NOCT: variants seen among roughly 807,000 people sequenced by gnomAD.
The protein encoded by NOCT is nocturnin.
Under a neutral mutation model 35.0 loss-of-function variants are expected in NOCT, and 18 were observed. That is an observed-to-expected ratio of 0.51 (90% CI 0.36 to 0.76). The LOEUF is 0.76. Among genes scored for constraint, NOCT ranks in the 30% least tolerant of loss-of-function variants. The pLI is 0.01. For missense variants in NOCT, 479 were observed against 541.0 expected (o/e 0.89, Z 1.14); for synonymous variants, 235 against 226.3 (o/e 1.04, Z -0.34).
chr4:139,016,226 C>T lies in NOCT; in HGVS notation c.190+55C>T, dbSNP rs1214369592. On this transcript the variant is annotated intron_variant, in intron 1 of 2. Coordinates refer to ENST00000280614, the MANE Select transcript of NOCT (RefSeq NM_012118.4). ...CGCCACGGCCGCCAACGCGCGGCCG[C>T]CACCTGGAGACCGCGCGGAATGAAT... 6.1e-6 allele frequency: 7 copies of T among 1,139,438 alleles called. No homozygotes were observed. In the African/African-American group the frequency reaches 1.1e-4, roughly 18 times the overall value. The allele number at this position is 1,139,438 out of a possible 1,614,324, so 70.6% of individuals were successfully genotyped here. A position where few individuals can be genotyped will look rare whatever the true frequency, so the allele number is the denominator to read the frequency against.
Position 139,043,063 on chromosome 4 carries a change from C to T in NOCT, c.191-11C>T, listed in dbSNP as rs1726865994. On this transcript the variant is annotated splice_polypyrimidine_tract_variant and intron_variant, in intron 1 of 2. Coordinates refer to ENST00000280614, the MANE Select transcript of NOCT (RefSeq NM_012118.4). The stretch of plus-strand genomic sequence containing the variant: ...GAGCTGAGTGTGTAACTGTGATTTC[C>T]TTTTCCGTAGTGTGTTCCATGGGAA... The T allele has an allele frequency of 6.3e-7, 1 of 1,580,346 alleles. No homozygotes were observed. The highest frequency in any genetic ancestry group is 1.3e-5 in the African/African-American group (1 of 74,080).
In NOCT at chr4:139,045,522, T is replaced by TTA; in HGVS notation, c.*49_*50insAT. 1.9e-6 allele frequency: 2 copies of TTA among 1,063,710 alleles called. No homozygotes were observed. The highest frequency in any genetic ancestry group is 5.1e-5 in the East Asian group (2 of 39,498). 65.9% of individuals were successfully genotyped at this position (1,063,710 alleles called of 1,614,324 possible). A position where few individuals can be genotyped will look rare whatever the true frequency, so the allele number is the denominator to read the frequency against. ...TCACAGGAGTCTATTTTTTTTTTTTTTTTTTTTTTTTTGAGACAGAGTCTC... is the reference window on the plus strand; with the variant it reads ...TCACAGGAGTCTATTTTTTTTTTTTTTATTTTTTTTTTTTGAGACAGAGTCTC... On this transcript the variant is annotated 3_prime_UTR_variant, in exon 3 of 3. Coordinates refer to ENST00000280614, the MANE Select transcript of NOCT (RefSeq NM_012118.4).
At chr4:139,034,999 T>C (rs951009699) in intron 1 of NOCT, among the ~76,000 whole-genome samples, 1 of 152,236 alleles carries the variant, frequency 6.6e-6, no homozygotes, top group Non-Finnish European at 1.5e-5. Flanking sequence ...TTGTTTCCAG[T>C]TTGTAACTCT....
chr4:139,016,525 A>G (rs1233383994), intron 1 of NOCT, among the ~76,000 whole-genome samples: 1 of 151,820 alleles, frequency 6.6e-6, no homozygotes, highest in Non-Finnish European at 1.5e-5. Context: ...ACTTAACGGA[A>G]ATTTTTATGG....
chr4:139,015,906 C>T lies in NOCT; in HGVS notation c.-76C>T. 1.7e-6 allele frequency: 2 copies of T among 1,168,046 alleles called. No individual in the cohort carries two copies. Among genetic ancestry groups the T allele is most frequent in the Non-Finnish European group, 2.2e-6 (2 of 917,802 alleles). The allele number at this position is 1,168,046 out of a possible 1,614,324, so 72.4% of individuals were successfully genotyped here. A position where few individuals can be genotyped will look rare whatever the true frequency, so the allele number is the denominator to read the frequency against. Reference sequence around the variant, plus strand: ...GCCCACACTGCCCGGACAGTCGGCTCGACTCGGTGCCCTCGGCCCCAGCCG... The same window carrying T: ...GCCCACACTGCCCGGACAGTCGGCTTGACTCGGTGCCCTCGGCCCCAGCCG... On this transcript the variant is annotated 5_prime_UTR_variant, in exon 1 of 3. Coordinates refer to ENST00000280614, the MANE Select transcript of NOCT (RefSeq NM_012118.4).
At chr4:139,024,996 C>T (rs1055456261) in intron 1 of NOCT, among the ~76,000 whole-genome samples, 2 of 152,178 alleles carry the variant, frequency 1.3e-5, no homozygotes, top group Non-Finnish European at 2.9e-5. Flanking sequence ...TGGTAACTAC[C>T]GCCTTTGTCA....
chr4:139,017,556 C>T (rs1328187777), intron 1 of NOCT, among the ~76,000 whole-genome samples: 3 of 144,266 alleles, frequency 2.1e-5, no homozygotes, highest in Admixed American at 1.4e-4. Context: ...ATAGGCCGGG[C>T]GCGGTGGCTC....
intron 1 of NOCT, 67 bp downstream of exon 1, chr4:139,016,238 C>A: frequency 9.3e-7 from 1 of 1,077,060 alleles, no homozygotes; most frequent in Non-Finnish European, 1.2e-6. Context: ...ACCTGGAGAC[C>A]GCGCGGAATG....
chr4:139,025,202 C>T (rs1726490163), intron 1 of NOCT, among the ~76,000 whole-genome samples: 1 of 152,026 alleles, frequency 6.6e-6, no homozygotes, highest in South Asian at 2.1e-4. Context: ...CAAAAGCCAC[C>T]CTTCCCGGCT....
intron 1 of NOCT, chr4:139,028,057 A>G (rs1295806091): frequency 6.6e-6 from 1 of 152,096 alleles, no homozygotes; most frequent in Non-Finnish European, 1.5e-5. Flanking sequence ...AAAACACGTC[A>G]TTTTTCCAAG....
At chr4:139,042,147 A>C (rs554479493) in intron 1 of NOCT, among the ~76,000 whole-genome samples, 2 of 140,030 alleles carry the variant, frequency 1.4e-5, no homozygotes, top group East Asian at 4.3e-4. Flanking sequence ...AGCTCACTGC[A>C]ACCACCATCT....
chr4:139,045,770 C>T lies in NOCT; in HGVS notation c.*296C>T, dbSNP rs1438493009. ...TGACCTTGAATCACAAGAGTCTTAACAGGGAATGTTTCAGGAAACAAATAG... is the reference window on the plus strand; with the variant it reads ...TGACCTTGAATCACAAGAGTCTTAATAGGGAATGTTTCAGGAAACAAATAG... On this transcript the variant is annotated 3_prime_UTR_variant, in exon 3 of 3. Coordinates refer to ENST00000280614, the MANE Select transcript of NOCT (RefSeq NM_012118.4). 1 of 233,256 alleles carries T rather than the reference C, an allele frequency of 4.3e-6. No homozygotes were observed. Among genetic ancestry groups the T allele is most frequent in the African/African-American group, 2.3e-5 (1 of 44,258 alleles). The allele number at this position is 233,256 out of a possible 1,614,324, so 14.4% of individuals were successfully genotyped here. A position where few individuals can be genotyped will look rare whatever the true frequency, so the allele number is the denominator to read the frequency against.
At chr4:139,035,032 T>C (rs1194837858) in intron 1 of NOCT, among the ~76,000 whole-genome samples, 1 of 152,230 alleles carries the variant, frequency 6.6e-6, no homozygotes, top group African/African-American at 2.4e-5. Context: ...AGTCATCTAA[T>C]TGTTGAACTC....
At chr4:139,024,555 T>C (rs533983985) in intron 1 of NOCT, among the ~76,000 whole-genome samples, 1 of 152,314 alleles carries the variant, frequency 6.6e-6, no homozygotes, top group East Asian at 1.9e-4. Flanking sequence ...TTTAGGCCTC[T>C]TTCCTGGAGA....
intron 1 of NOCT, among the ~76,000 whole-genome samples, chr4:139,023,767 G>A (rs983526867): frequency 2.6e-5 from 4 of 152,116 alleles, no homozygotes; most frequent in Non-Finnish European, 5.9e-5. Context: ...CAAAGTGCTG[G>A]GATTACAGGC....
intron 1 of NOCT, among the ~76,000 whole-genome samples, chr4:139,042,241 A>G (rs1726846068): frequency 6.6e-6 from 1 of 151,312 alleles, no homozygotes; most frequent in Admixed American, 6.6e-5. Context: ...CTAATTTTTT[A>G]TGTTTTTGGT....
chr4:139,021,763 G>GTTTT (rs1560729106), intron 1 of NOCT, among the ~76,000 whole-genome samples: 1,390 of 25,616 alleles, frequency 0.054, 24 homozygotes, highest in African/African-American at 0.15. Context: ...CAGTTTTTCT[G>GTTTT]GTTTTTTTTT....
intron 1 of NOCT, among the ~76,000 whole-genome samples, chr4:139,018,049 C>G (rs944713989): frequency 2.6e-5 from 4 of 152,046 alleles, no homozygotes; most frequent in African/African-American, 9.7e-5. Context: ...AGATTCTGAA[C>G]TATATTGTTC....
chr4:139,018,519 C>T (rs1726356928), intron 1 of NOCT, among the ~76,000 whole-genome samples: 1 of 152,164 alleles, frequency 6.6e-6, no homozygotes, highest in Non-Finnish European at 1.5e-5. Context: ...CTTTTGTAGG[C>T]AGTTACTATA....
Sources: allele counts gnomAD v4.1 joint callset (sites outside exome capture counted in the v4.1 genomes callset), GRCh38; gene constraint gnomAD v4.1.1; transcripts MANE v1.5; gene names NCBI Gene and HGNC (gene_info 2026-07-23, HGNC 2026-07-21).